The following SLC17A1 variants were observed in gnomAD, a reference collection of about 807,000 sequenced individuals.
SLC17A1 encodes the protein solute carrier family 17 member 1.
SLC17A1 carries 51 observed loss-of-function variants against 53.5 expected under a neutral mutation model. The ratio of observed to expected loss-of-function variants is 0.95; its 90% CI spans 0.76 to 1.20. SLC17A1 has a LOEUF of 1.20. Among genes scored for constraint, SLC17A1 ranks in the 50% most tolerant of loss-of-function variants. SLC17A1 has a pLI of 0.00. For missense variants in SLC17A1, 538 were observed against 568.2 expected (o/e 0.95, Z 0.54); for synonymous variants, 179 against 198.8 (o/e 0.90, Z 0.84).
At chr6:25,777,788 G>A in the SLC17A1 span, 11 of 661,210 alleles carry the variant, frequency 1.7e-5, no homozygotes, top group African/African-American at 5.3e-5. Context: ...CATCTCCAGA[G>A]GTAAGCACAG....
At chr6:25,746,779 A>C in the SLC17A1 span, among the ~76,000 whole-genome samples, 1 of 152,094 alleles carries the variant, frequency 6.6e-6, no homozygotes, top group African/African-American at 2.4e-5. Flanking sequence ...TGCTATTCCA[A>C]CCTTGCGTAT....
chr6:25,744,705 G>T, the SLC17A1 span, among the ~76,000 whole-genome samples: 5 of 152,124 alleles, frequency 3.3e-5, no homozygotes, highest in Admixed American at 2.6e-4. Context: ...ATTCAATAAT[G>T]TGTGGGTAGC....
the SLC17A1 span, among the ~76,000 whole-genome samples, chr6:25,752,737 G>A: frequency 9.9e-5 from 15 of 152,142 alleles, no homozygotes; most frequent in Non-Finnish European, 1.9e-4. Context: ...CGGATCACAA[G>A]GTCAGGAGAT....
intron 10 of SLC17A1, among the ~76,000 whole-genome samples, chr6:25,809,251 G>A (rs752441374): frequency 1.3e-5 from 2 of 151,998 alleles, no homozygotes; most frequent in Non-Finnish European, 2.9e-5. Context: ...TTGGAAGAGT[G>A]GGAGGAGGGT....
At chr6:25,804,693 T>A (rs78833965) in intron 10 of SLC17A1, among the ~76,000 whole-genome samples, 10,452 of 152,078 alleles carry the variant, frequency 0.069, 523 homozygotes, top group Non-Finnish European at 0.11. Context: ...TAGAAAAATA[T>A]CTTACACACA....
At chr6:25,728,770 C>T in the SLC17A1 span, among the ~76,000 whole-genome samples, 1 of 152,180 alleles carries the variant, frequency 6.6e-6, no homozygotes, top group Non-Finnish European at 1.5e-5. Context: ...GCCGAGATCG[C>T]CCCACTGCAC....
chr6:25,816,790 AAG>A (rs1358603285), intron 6 of SLC17A1, among the ~76,000 whole-genome samples: 7 of 152,292 alleles, frequency 4.6e-5, no homozygotes, highest in East Asian at 3.9e-4. Context: ...GAGATTTGAG[AAG>A]AGTTAAGAAG....
intron 3 of SLC17A1, among the ~76,000 whole-genome samples, chr6:25,820,649 G>A (rs931799894): frequency 5.5e-4 from 84 of 152,220 alleles, no homozygotes; most frequent in African/African-American, 1.9e-3. Context: ...GGGAGGACGA[G>A]GCGGGCGGAT....
At chr6:25,800,341 T>C (rs1439461840) in intron 11 of SLC17A1, among the ~76,000 whole-genome samples, 2 of 152,082 alleles carry the variant, frequency 1.3e-5, no homozygotes, top group Non-Finnish European at 2.9e-5. Flanking sequence ...TTCTTTCATT[T>C]TTAATCTCTG....
the SLC17A1 span, chr6:25,727,132 T>C: frequency 2.5e-6 from 4 of 1,614,218 alleles, no homozygotes; most frequent in Non-Finnish European, 3.4e-6. Context: ...TTTGAGCGTA[T>C]AGCGAGCGAG....
intron 2 of SLC17A1, among the ~76,000 whole-genome samples, chr6:25,829,991 A>G (rs1455306648): frequency 6.6e-6 from 1 of 152,316 alleles, no homozygotes; most frequent in African/African-American, 2.4e-5. Context: ...TAACTTTTTC[A>G]TAAGTTGAAA....
At chr6:25,768,685 A>T in the SLC17A1 span, among the ~76,000 whole-genome samples, 1 of 151,834 alleles carries the variant, frequency 6.6e-6, no homozygotes, top group African/African-American at 2.4e-5. Context: ...CTCTAAATCC[A>T]CTTCTTCCCA....
chr6:25,800,029 T>C (rs1306437499), intron 11 of SLC17A1, among the ~76,000 whole-genome samples: 1 of 152,180 alleles, frequency 6.6e-6, no homozygotes, highest in Non-Finnish European at 1.5e-5. Flanking sequence ...TGTCCCAACT[T>C]TGGGATAAGG....
the SLC17A1 span, among the ~76,000 whole-genome samples, chr6:25,740,741 C>A: frequency 6.6e-6 from 1 of 152,084 alleles, no homozygotes; most frequent in Admixed American, 6.5e-5. Flanking sequence ...TTAATTATAG[C>A]ATTACTCACA....
intron 3 of SLC17A1, among the ~76,000 whole-genome samples, chr6:25,821,477 GGTTTT>G (rs907795982): frequency 1.5e-4 from 23 of 152,272 alleles, no homozygotes; most frequent in South Asian, 1.0e-3. Context: ...TGCTCAGCCA[GGTTTT>G]GTTTTGTTTT....
At chr6:25,770,455 C>T in the SLC17A1 span, 1 of 1,614,022 alleles carries the variant, frequency 6.2e-7, no homozygotes, top group Non-Finnish European at 8.5e-7. Context: ...GTCAACTCAC[C>T]ACCATTGCTG....
chr6:25,809,576 G>C (rs1472803077), intron 10 of SLC17A1, among the ~76,000 whole-genome samples: 1 of 151,874 alleles, frequency 6.6e-6, no homozygotes, highest in Non-Finnish European at 1.5e-5. Context: ...ATAGGTGAAA[G>C]ACCACAATGA....
At chr6:25,748,234 C>T in the SLC17A1 span, among the ~76,000 whole-genome samples, 3 of 152,154 alleles carry the variant, frequency 2.0e-5, no homozygotes, top group Admixed American at 1.3e-4. Flanking sequence ...GAAACAATCT[C>T]TCAATCCATG....
chr6:25,814,299 A>C (rs1174879541), intron 6 of SLC17A1, among the ~76,000 whole-genome samples: 1 of 152,244 alleles, frequency 6.6e-6, no homozygotes, highest in African/African-American at 2.4e-5. Context: ...TAAAACAGAC[A>C]AAAGGCCCTG....
Sources: gnomAD v4.1 joint callset for allele counts (sites outside exome capture counted in the v4.1 genomes callset) on GRCh38, gnomAD v4.1.1 for gene constraint, MANE v1.5 for transcripts, NCBI Gene and HGNC (gene_info 2026-07-23, HGNC 2026-07-21) for gene names.